Variants in CSMD1 observed in about 807,000 individuals in gnomAD.
CSMD1 encodes CUB and sushi domain-containing protein 1.
CSMD1 carries 213 observed loss-of-function variants against 417.5 expected under a neutral mutation model. That is an observed-to-expected ratio of 0.51 (90% CI 0.46 to 0.57). CSMD1 has a LOEUF of 0.57. Ranked by LOEUF, CSMD1 falls within the 20% of genes least tolerant of loss-of-function variation. CSMD1 has a pLI of 0.00. For missense variants in CSMD1, 6,923 were observed against 4,529.7 expected (o/e 1.53, Z -15.17); for synonymous variants, 2,862 against 1,736.8 (o/e 1.65, Z -16.11).
chr8:3,582,269 A>G (rs1341679690), intron 9 of CSMD1, among the ~76,000 whole-genome samples: 1 of 152,190 alleles, frequency 6.6e-6, no homozygotes. Context: ...TTATCTTTTT[A>G]TAAAAAGTTA....
intron 3 of CSMD1, 48 bp from the exon 4 acceptor site, chr8:4,032,147 T>A: frequency 2.8e-6 from 4 of 1,435,040 alleles, no homozygotes; most frequent in Non-Finnish European, 3.9e-6. Context: ...AAATTTTCCA[T>A]GGAGAGCCAC....
chr8:3,261,971 A>C (rs113039763), intron 26 of CSMD1, among the ~76,000 whole-genome samples: 1 of 151,914 alleles, frequency 6.6e-6, no homozygotes, highest in African/African-American at 2.4e-5. Flanking sequence ...AGTGAACTCT[A>C]GTTCTACAGG....
At position 2,954,284 on chromosome 8, in the gene CSMD1, C is replaced by A. The variant is rs1187644764; in HGVS notation, c.9995-16G>T. 1.2e-5 allele frequency: 17 copies of A among 1,369,480 alleles called. No individual in the cohort carries two copies. The highest frequency in any genetic ancestry group is 6.0e-6 in the Non-Finnish European group (6 of 1,005,120). The allele number at this position is 1,369,480 out of a possible 1,614,324, so 84.8% of individuals were successfully genotyped here. A position where few individuals can be genotyped will look rare whatever the true frequency, so the allele number is the denominator to read the frequency against. On this transcript the variant is annotated splice_polypyrimidine_tract_variant and intron_variant, in intron 64 of 69. Transcript: ENST00000635120. The stretch of plus-strand genomic sequence containing the variant: ...ACTCCTTTACCTACAAGTAAAAAGA[C>A]AAATTATCATTTTAAAAAAAACATT...
chr8:3,134,121 G>A lies in CSMD1; in HGVS notation c.6241+8344C>T, dbSNP rs4332161. Among the ~76,000 whole-genome samples, 271 of 152,210 alleles carry A rather than the reference G, an allele frequency of 1.8e-3. 1 individual carries two copies. Among genetic ancestry groups the A allele is most frequent in the African/African-American group, 6.1e-3 (254 of 41,518 alleles). Reference sequence around the variant, plus strand: ...AGGGAGTTAGAGGTTGCAGTGAGCCGAGAGTGTATCACTGCACTCCAGCCT... The same window carrying A: ...AGGGAGTTAGAGGTTGCAGTGAGCCAAGAGTGTATCACTGCACTCCAGCCT... On this transcript the variant is annotated intron_variant, in intron 41 of 69. Transcript: ENST00000635120.
chr8:4,676,117 C>T (rs1242169715), intron 1 of CSMD1, among the ~76,000 whole-genome samples: 1 of 152,110 alleles, frequency 6.6e-6, no homozygotes, highest in African/African-American at 2.4e-5. Flanking sequence ...TTACACAATT[C>T]TGCTATGCAT....
intron 15 of CSMD1, among the ~76,000 whole-genome samples, chr8:3,402,550 T>C (rs1812099949): frequency 6.6e-6 from 1 of 152,190 alleles, no homozygotes; most frequent in Admixed American, 6.5e-5. Flanking sequence ...AACATGTGCC[T>C]GGCATCCAGA....
chr8:3,726,268 G>A (rs1234846557), intron 6 of CSMD1, among the ~76,000 whole-genome samples: 2 of 152,298 alleles, frequency 1.3e-5, no homozygotes, highest in Middle Eastern at 3.4e-3. Flanking sequence ...GCCCAGCTAG[G>A]CTGCACATCG....
chr8:4,377,563 T>C lies in CSMD1; in HGVS notation c.415+42390A>G, dbSNP rs139709409. On this transcript the variant is annotated intron_variant, in intron 3 of 69. Coordinates refer to ENST00000635120, the MANE Select transcript of CSMD1 (RefSeq NM_033225.6). ...CTCAAAGTTGAGTCAGTAAAGGTGC[T>C]GGACTTTGCGAAGAAGCCAAGTAAA... Among the ~76,000 whole-genome samples the C allele has an allele frequency of 5.2e-3, 793 of 152,342 alleles. 9 individuals are homozygous for C. Among genetic ancestry groups the C allele is most frequent in the African/African-American group, 0.018 (749 of 41,586 alleles).
intron 2 of CSMD1, among the ~76,000 whole-genome samples, chr8:4,453,129 T>G (rs919380486): frequency 3.9e-5 from 6 of 151,962 alleles, no homozygotes; most frequent in African/African-American, 1.5e-4. Flanking sequence ...CTTGGACACA[T>G]GTGTCACCAA....
intron 26 of CSMD1, among the ~76,000 whole-genome samples, chr8:3,276,592 G>C (rs938316562): frequency 6.6e-6 from 1 of 152,104 alleles, no homozygotes; most frequent in Non-Finnish European, 1.5e-5. Context: ...CCCATGATAC[G>C]TGGGAATTGT....
intron 5 of CSMD1, among the ~76,000 whole-genome samples, chr8:3,861,929 T>G (rs1182080819): frequency 6.6e-6 from 1 of 152,188 alleles, no homozygotes; most frequent in Non-Finnish European, 1.5e-5. Flanking sequence ...TCCTTGCTCC[T>G]GGAAAGTCAA....
chr8:3,330,518 T>C (rs558546153), intron 23 of CSMD1, among the ~76,000 whole-genome samples: 347 of 152,284 alleles, frequency 2.3e-3, no homozygotes, highest in Non-Finnish European at 4.1e-3. Flanking sequence ...TACCGCGTGA[T>C]CTCACTTCTA....
intron 10 of CSMD1, among the ~76,000 whole-genome samples, chr8:3,535,548 G>A (rs1416754937): frequency 2.0e-5 from 3 of 152,124 alleles, no homozygotes; most frequent in Non-Finnish European, 4.4e-5. Context: ...TTGGAAGGGG[G>A]CTGGTGGGTA....
chr8:4,511,152 G>A (rs1585183688), intron 2 of CSMD1, among the ~76,000 whole-genome samples: 1 of 152,102 alleles, frequency 6.6e-6, no homozygotes, highest in African/African-American at 2.4e-5. Context: ...CCAAGAGTTT[G>A]TTAATTTTGT....
intron 26 of CSMD1, among the ~76,000 whole-genome samples, chr8:3,277,137 C>A (rs1456946937): frequency 2.0e-5 from 3 of 152,068 alleles, no homozygotes; most frequent in Admixed American, 6.5e-5. Flanking sequence ...GTAGAGGTTT[C>A]TGTAGGCTTT....
chr8:4,175,437 T>C (rs562337353), intron 3 of CSMD1, among the ~76,000 whole-genome samples: 19 of 151,120 alleles, frequency 1.3e-4, no homozygotes, highest in East Asian at 7.9e-4. Context: ...GTTTAAGTAA[T>C]TGACATCTTT....
chr8:3,677,938 C>G (rs543162216), intron 7 of CSMD1, among the ~76,000 whole-genome samples: 10 of 152,116 alleles, frequency 6.6e-5, no homozygotes, highest in African/African-American at 2.4e-4. Flanking sequence ...CAAAATAAGA[C>G]AGGAATGCAC....
intron 20 of CSMD1, among the ~76,000 whole-genome samples, chr8:3,360,991 T>G (rs1226280530): frequency 6.6e-6 from 1 of 152,134 alleles, no homozygotes; most frequent in African/African-American, 2.4e-5. Context: ...CTGGTAAAGC[T>G]CTGAGGTGGA....
intron 2 of CSMD1, among the ~76,000 whole-genome samples, chr8:4,596,291 G>A (rs1167796956): frequency 6.6e-6 from 1 of 152,164 alleles, no homozygotes; most frequent in Admixed American, 6.5e-5. Flanking sequence ...AGGGAGAGAT[G>A]CTTAACCCAA....
Sources: gnomAD v4.1 joint callset for allele counts (sites outside exome capture counted in the v4.1 genomes callset) on GRCh38, gnomAD v4.1.1 for gene constraint, MANE v1.5 for transcripts, NCBI Gene and HGNC (gene_info 2026-07-23, HGNC 2026-07-21) for gene names.